The following NMNAT2 variants were observed in gnomAD, a reference collection of about 807,000 sequenced individuals.
The protein encoded by NMNAT2 is nicotinamide nucleotide adenylyltransferase 2.
Under a neutral mutation model 41.6 loss-of-function variants are expected in NMNAT2, and 11 were observed. The observed-to-expected ratio is 0.26, with a 90% confidence interval of 0.17 to 0.44. The LOEUF (loss-of-function observed/expected upper bound fraction) is 0.44, where lower values mean the gene tolerates loss of function less well. Among genes scored for constraint, NMNAT2 ranks in the 20% least tolerant of loss-of-function variants. The pLI, the probability that NMNAT2 is intolerant of heterozygous loss-of-function variation, is 1.00. For synonymous variants in NMNAT2, 148 were observed against 151.2 expected, an observed-to-expected ratio of 0.98 and a Z score of 0.16; for missense variants, 288 against 407.7, an observed-to-expected ratio of 0.71 and a Z score of 2.53.
chr1:183,284,009 C>A lies in NMNAT2; in HGVS notation c.560G>T (p.Arg187Leu). ...DENANLGTVMRYEEIELRILL... is the reference protein window; with the variant it reads ...DENANLGTVMLYEEIELRILL... ...GTCCCACTCACCAATCTCTTCATAC[C>A]GCATCACCGTGCCCAGATTGGCATT... The change falls in exon 7 of 11, where the codon CGG (arginine) becomes CTG (leucine). Residue 187 changes from arginine (R) to leucine (L), a missense_variant. Physicochemically the swap from Arg to Leu is moderately radical, Grantham distance 102. Transcript: ENST00000287713. The A allele has an allele frequency of 2.5e-6, 4 of 1,613,914 alleles. No homozygotes were observed. Among genetic ancestry groups the A allele is most frequent in the Non-Finnish European group, 3.4e-6 (4 of 1,179,956 alleles).
intron 1 of NMNAT2, among the ~76,000 whole-genome samples, chr1:183,380,999 T>C (rs1571628872): frequency 6.6e-6 from 1 of 151,520 alleles, no homozygotes; most frequent in Non-Finnish European, 1.5e-5. Context: ...GGCCTGGAGG[T>C]AGAGGGGCCA....
At chr1:183,367,225 G>A (rs1663432387) in intron 1 of NMNAT2, among the ~76,000 whole-genome samples, 1 of 152,188 alleles carries the variant, frequency 6.6e-6, no homozygotes, top group South Asian at 2.1e-4. Context: ...TTGGGAGGCT[G>A]AGGCGGGCAG....
At chr1:183,378,618 G>A (rs1051869085) in intron 1 of NMNAT2, among the ~76,000 whole-genome samples, 11 of 152,032 alleles carry the variant, frequency 7.2e-5, no homozygotes, top group African/African-American at 2.4e-4. Flanking sequence ...GTTAAACCTA[G>A]AGAAGACAGA....
intron 1 of NMNAT2, among the ~76,000 whole-genome samples, chr1:183,331,447 G>A (rs944277000): frequency 7.2e-5 from 11 of 152,212 alleles, no homozygotes; most frequent in African/African-American, 2.7e-4. Context: ...GAAGCTGAGT[G>A]CCAGAGGGAA....
chr1:183,396,897 T>C (rs1053819976), intron 1 of NMNAT2, among the ~76,000 whole-genome samples: 4 of 152,220 alleles, frequency 2.6e-5, no homozygotes, highest in Admixed American at 2.6e-4. Context: ...CAGACCCATA[T>C]GGATTTGCTG....
At chr1:183,336,341 A>G (rs1399302535) in intron 1 of NMNAT2, among the ~76,000 whole-genome samples, 2 of 152,258 alleles carry the variant, frequency 1.3e-5, no homozygotes, top group Non-Finnish European at 2.9e-5. Flanking sequence ...GTCATTAGAA[A>G]TCAAATAAAT....
intron 1 of NMNAT2, among the ~76,000 whole-genome samples, chr1:183,372,471 A>G (rs1047862190): frequency 6.6e-6 from 1 of 152,014 alleles, no homozygotes; most frequent in African/African-American, 2.4e-5. Context: ...GTGAGACATA[A>G]CAAGCCTCAG....
At chr1:183,280,264 C>G (rs369618141) in intron 7 of NMNAT2, among the ~76,000 whole-genome samples, 19 of 152,158 alleles carry the variant, frequency 1.2e-4, no homozygotes, top group African/African-American at 4.6e-4. Flanking sequence ...TGAAAGGGCA[C>G]GTCTCTGTAA....
Position 183,404,565 on chromosome 1 carries a change from C to T in NMNAT2, c.85+13618G>A, listed in dbSNP as rs533560130. ...AGGAACATCTTCTAACACAGACATT[C>T]GTGGCTTTGAAGGGAAAGAGAACTG... On this transcript the variant is annotated intron_variant, in intron 1 of 10. Coordinates refer to ENST00000287713, the MANE Select transcript of NMNAT2 (RefSeq NM_015039.4). Among the ~76,000 whole-genome samples the T allele has an allele frequency of 9.2e-5, 14 of 152,244 alleles. No homozygotes were observed. In the East Asian group the frequency reaches 2.7e-3, roughly 29 times the overall value.
chr1:183,281,293 T>G (rs1661261314), intron 7 of NMNAT2, among the ~76,000 whole-genome samples: 1 of 152,110 alleles, frequency 6.6e-6, no homozygotes, highest in Non-Finnish European at 1.5e-5. Context: ...CATTTTTGGA[T>G]GTCAGGACTG....
chr1:183,337,255 A>G (rs1662696044), intron 1 of NMNAT2, among the ~76,000 whole-genome samples: 1 of 152,178 alleles, frequency 6.6e-6, no homozygotes, highest in Admixed American at 6.5e-5. Flanking sequence ...AGAAAGAATG[A>G]CATAGTGAAG....
At chr1:183,411,655 C>G (rs1268243006) in intron 1 of NMNAT2, among the ~76,000 whole-genome samples, 1 of 152,132 alleles carries the variant, frequency 6.6e-6, no homozygotes, top group Non-Finnish European at 1.5e-5. Flanking sequence ...GTCCTAGGAG[C>G]CTGAGATACA....
chr1:183,363,902 A>G (rs373255999), intron 1 of NMNAT2, among the ~76,000 whole-genome samples: 3 of 152,144 alleles, frequency 2.0e-5, no homozygotes, highest in East Asian at 1.9e-4. Context: ...TAATGAATGG[A>G]TAGAATGTTT....
chr1:183,337,839 A>G (rs1662708657), intron 1 of NMNAT2, among the ~76,000 whole-genome samples: 1 of 152,180 alleles, frequency 6.6e-6, no homozygotes, highest in Non-Finnish European at 1.5e-5. Flanking sequence ...TCTAGATGTC[A>G]CAAACCTGGC....
chr1:183,274,686 C>A (rs566171364), intron 8 of NMNAT2, among the ~76,000 whole-genome samples: 42 of 148,428 alleles, frequency 2.8e-4, no homozygotes, highest in Admixed American at 2.6e-3. Flanking sequence ...AATCCTAGCA[C>A]TTTGGGAGGC....
At chr1:183,328,030 T>C (rs759562274) in intron 1 of NMNAT2, among the ~76,000 whole-genome samples, 113 of 152,162 alleles carry the variant, frequency 7.4e-4, no homozygotes, top group Non-Finnish European at 1.2e-3. Context: ...CCACAGCTTC[T>C]AGGGCAGGCG....
At chr1:183,262,350 T>G (rs1350716186) in intron 8 of NMNAT2, among the ~76,000 whole-genome samples, 1 of 151,792 alleles carries the variant, frequency 6.6e-6, no homozygotes, top group East Asian at 1.9e-4. Flanking sequence ...ACAATCCAGA[T>G]AGTGACTGTG....
intron 1 of NMNAT2, among the ~76,000 whole-genome samples, chr1:183,399,289 C>A (rs1323825919): frequency 1.3e-5 from 2 of 152,134 alleles, no homozygotes; most frequent in Non-Finnish European, 2.9e-5. Context: ...AACACCTCTA[C>A]ACAAATAAAC....
At chr1:183,402,134 C>G (rs1648829255) in intron 1 of NMNAT2, among the ~76,000 whole-genome samples, 1 of 152,026 alleles carries the variant, frequency 6.6e-6, no homozygotes, top group Non-Finnish European at 1.5e-5. Flanking sequence ...ATGTTTGCAA[C>G]TTCTGTTTCT....
Sources: allele counts gnomAD v4.1 joint callset (sites outside exome capture counted in the v4.1 genomes callset), GRCh38; gene constraint gnomAD v4.1.1; transcripts MANE v1.5; gene names NCBI Gene and HGNC (gene_info 2026-07-23, HGNC 2026-07-21).